LEPR: variants seen among roughly 807,000 people sequenced by gnomAD.
The protein encoded by LEPR is leptin receptor, also known as OB receptor.
Under a neutral mutation model 114.7 loss-of-function variants are expected in LEPR, and 56 were observed. That is an observed-to-expected ratio of 0.49 (90% CI 0.39 to 0.61). LEPR has a LOEUF of 0.61. LEPR is among the 20% of genes least tolerant of loss of function. The pLI is 0.00. For missense variants in LEPR, 1,202 were observed against 1,352.9 expected, an observed-to-expected ratio of 0.89 and a Z score of 1.75; for synonymous variants, 443 against 461.4, an observed-to-expected ratio of 0.96 and a Z score of 0.51.
chr1:65,570,677 T>G lies in LEPR; in HGVS notation c.245T>G (p.Leu82Ter). The G allele has an allele frequency of 6.2e-7, 1 of 1,613,924 alleles. No individual in the cohort carries two copies. The highest frequency in any genetic ancestry group is 8.5e-7 in the Non-Finnish European group (1 of 1,179,892). ...TCAAGTGGTACTCACTTTTCTAACT[T>G]ATCCAAAACAACTTTCCACTGTTGC... Reference protein sequence around the residue: ...FNSSGTHFSNLSKTTFHCCFR... With the variant: ...FNSSGTHFSN The change falls in exon 4 of 20, where the codon TTA becomes TGA. Residue 82 changes from leucine to a stop codon, truncating the protein, a stop_gained. Coordinates refer to ENST00000349533, the MANE Select transcript of LEPR (RefSeq NM_002303.6). LOFTEE classifies it high-confidence loss of function.
At chr1:65,619,855 T>G in intron 16 of LEPR, 73 bp from the exon 17 acceptor site, 1 of 1,173,586 alleles carries the variant, frequency 8.5e-7, no homozygotes, top group Admixed American at 1.8e-5. Flanking sequence ...CTTTAATTCT[T>G]TTTTAAAATG....
In LEPR at chr1:65,425,239, A is replaced by G. The variant is rs796467208; in HGVS notation, c.-96-64A>G. 6.9e-6 allele frequency: 10 copies of G among 1,441,862 alleles called. No individual in the cohort carries two copies. The African/African-American group carries it at 9.9e-5, about 14-fold the overall frequency. 89.3% of individuals were successfully genotyped at this position (1,441,862 alleles called of 1,614,324 possible). A position where few individuals can be genotyped will look rare whatever the true frequency, so the allele number is the denominator to read the frequency against. ...ATTAGAAGTCACTCCCCATTTCCCC[A>G]AACCCTCTAGTGCCTGACAACCTCT... On this transcript the variant is annotated intron_variant, in intron 1 of 19. Transcript: ENST00000349533.
At chr1:65,634,858 A>G (rs1658659432) in intron 19 of LEPR, 5 of 876,520 alleles carry the variant, frequency 5.7e-6, no homozygotes, top group Non-Finnish European at 6.8e-6. Flanking sequence ...AGAAATGTAT[A>G]AAACCATAGA....
intron 2 of LEPR, among the ~76,000 whole-genome samples, chr1:65,436,386 A>G (rs569444367): frequency 3.9e-5 from 6 of 152,336 alleles, no homozygotes; most frequent in African/African-American, 9.6e-5. Context: ...AAGGAATAAT[A>G]TGTCCTCCTT....
intron 2 of LEPR, among the ~76,000 whole-genome samples, chr1:65,447,578 C>T (rs190221231): frequency 6.7e-6 from 1 of 149,966 alleles, no homozygotes; most frequent in African/African-American, 2.5e-5. Flanking sequence ...CTCACCCAGG[C>T]TGGAGTGCAA....
At chr1:65,422,453 C>G (rs931193740) in intron 1 of LEPR, among the ~76,000 whole-genome samples, 1 of 152,200 alleles carries the variant, frequency 6.6e-6, no homozygotes, top group Non-Finnish European at 1.5e-5. Context: ...AGTCCAGCCT[C>G]CAGAACTGTC....
At chr1:65,446,169 T>C (rs1266585281) in intron 2 of LEPR, among the ~76,000 whole-genome samples, 1 of 152,242 alleles carries the variant, frequency 6.6e-6, no homozygotes, top group African/African-American at 2.4e-5. Context: ...TTTAACTTTG[T>C]ACTAAACTGG....
intron 12 of LEPR, among the ~76,000 whole-genome samples, chr1:65,609,336 T>G (rs1417952508): frequency 6.6e-6 from 1 of 152,238 alleles, no homozygotes; most frequent in Non-Finnish European, 1.5e-5. Context: ...TGTTGATATC[T>G]TTTAGTACAT....
intron 2 of LEPR, among the ~76,000 whole-genome samples, chr1:65,547,602 T>C (rs1211410595): frequency 6.6e-6 from 1 of 151,546 alleles, no homozygotes; most frequent in Non-Finnish European, 1.5e-5. Context: ...CATAGAGGTG[T>C]TTGTAGTATT....
intron 3 of LEPR, among the ~76,000 whole-genome samples, chr1:65,567,953 T>G (rs1310735951): frequency 6.6e-6 from 1 of 151,984 alleles, no homozygotes; most frequent in Non-Finnish European, 1.5e-5. Context: ...GGTTCACTCT[T>G]GGTGTTGTAT....
At chr1:65,533,103 G>T (rs558927883) in intron 2 of LEPR, among the ~76,000 whole-genome samples, 84 of 152,182 alleles carry the variant, frequency 5.5e-4, no homozygotes, top group African/African-American at 1.9e-3. Flanking sequence ...CATTTAAAAT[G>T]ATTCCAAAAA....
intron 1 of LEPR, among the ~76,000 whole-genome samples, chr1:65,424,580 T>G (rs1377988727): frequency 6.6e-6 from 1 of 152,240 alleles, no homozygotes; most frequent in Non-Finnish European, 1.5e-5. Context: ...GTCATTGTCT[T>G]AATCAGTTTG....
chr1:65,553,521 G>A lies in LEPR; in HGVS notation c.-20-12025G>A, dbSNP rs530639654. Among the ~76,000 whole-genome samples, 26 of 152,000 alleles carry A rather than the reference G, an allele frequency of 1.7e-4. 1 individual carries two copies. The South Asian group carries it at 5.4e-3, about 32-fold the overall frequency. ...TTGTTCAATTTGGCTATTGATACCT[G>A]TGTATGCTTTACAAAGTTCTCATGC... On this transcript the variant is annotated intron_variant, in intron 2 of 19. Transcript: ENST00000349533.
intron 2 of LEPR, among the ~76,000 whole-genome samples, chr1:65,514,805 A>T (rs1212916785): frequency 6.6e-6 from 1 of 152,204 alleles, no homozygotes; most frequent in African/African-American, 2.4e-5. Context: ...TTTGCCTTTT[A>T]TACTTGAGTC....
At chr1:65,480,699 A>AT (rs1026360796) in intron 2 of LEPR, among the ~76,000 whole-genome samples, 4 of 152,068 alleles carry the variant, frequency 2.6e-5, no homozygotes, top group African/African-American at 9.7e-5. Context: ...ATTTATCCCC[A>AT]TTTTACAAAA....
chr1:65,470,699 A>G (rs1647072822), intron 2 of LEPR, among the ~76,000 whole-genome samples: 1 of 152,222 alleles, frequency 6.6e-6, no homozygotes, highest in Admixed American at 6.5e-5. Flanking sequence ...TTTTATCTAT[A>G]TGTAACAGGA....
At chr1:65,595,440 T>G (rs896405300) in intron 6 of LEPR, among the ~76,000 whole-genome samples, 2 of 152,080 alleles carry the variant, frequency 1.3e-5, no homozygotes, top group African/African-American at 4.8e-5. Flanking sequence ...TACTTTTCTT[T>G]GGTATATATT....
At chr1:65,473,038 C>T (rs756701844) in intron 2 of LEPR, among the ~76,000 whole-genome samples, 1 of 152,236 alleles carries the variant, frequency 6.6e-6, no homozygotes, top group Non-Finnish European at 1.5e-5. Context: ...ATCTTTCTGA[C>T]AGGTGCCATT....
intron 6 of LEPR, among the ~76,000 whole-genome samples, chr1:65,595,625 G>A (rs1214818468): frequency 6.6e-6 from 1 of 151,944 alleles, no homozygotes; most frequent in Non-Finnish European, 1.5e-5. Flanking sequence ...AATATAGAAT[G>A]TGAAAATTAT....
Sources: allele counts gnomAD v4.1 joint callset (sites outside exome capture counted in the v4.1 genomes callset), GRCh38; gene constraint gnomAD v4.1.1; transcripts MANE v1.5; gene names NCBI Gene and HGNC (gene_info 2026-07-23, HGNC 2026-07-21).